UNC5C: variants seen among roughly 807,000 people sequenced by gnomAD.
The protein encoded by UNC5C is unc-5 netrin receptor C.
UNC5C carries 47 observed loss-of-function variants against 99.8 expected under a neutral mutation model. The observed-to-expected ratio is 0.47, with a 90% CI of 0.37 to 0.60. The LOEUF is 0.60. UNC5C is among the 20% of genes least tolerant of loss of function. The probability of loss-of-function intolerance (pLI) is 0.00; values close to 1 mark genes in which losing one functional copy is unlikely to be tolerated. For missense variants in UNC5C, 1,062 were observed against 1,165.9 expected (o/e 0.91, Z 1.30); for synonymous variants, 487 against 452.2 (o/e 1.08, Z -0.98).
At chr4:95,239,609 C>G (rs1739255786) in intron 7 of UNC5C, among the ~76,000 whole-genome samples, 1 of 152,182 alleles carries the variant, frequency 6.6e-6, no homozygotes. Flanking sequence ...GTTGCAGCTT[C>G]ATTTTTGGCA....
At chr4:95,263,521 G>A (rs1353395018) in intron 4 of UNC5C, among the ~76,000 whole-genome samples, 1 of 152,088 alleles carries the variant, frequency 6.6e-6, no homozygotes, top group Admixed American at 6.5e-5. Context: ...GTCAGTGAAT[G>A]GAACTCTCCA....
In UNC5C at chr4:95,224,353, A is replaced by C. The variant is rs182649839; in HGVS notation, c.1109-4177T>G. ...GAAGAGCTGCGTCTTGCAAAAGGAA[A>C]GCCTATCTCCAGCTAGGTATCACGT... On this transcript the variant is annotated intron_variant, in intron 7 of 15. Coordinates refer to ENST00000453304, the MANE Select transcript of UNC5C (RefSeq NM_003728.4). 2.6e-4 allele frequency among the ~76,000 whole-genome samples: 40 copies of C among 152,320 alleles called. No homozygotes were observed. In the East Asian group the frequency reaches 6.4e-3, roughly 24 times the overall value.
At chr4:95,358,149 G>A (rs1054868572) in intron 1 of UNC5C, among the ~76,000 whole-genome samples, 1 of 152,096 alleles carries the variant, frequency 6.6e-6, no homozygotes, top group African/African-American at 2.4e-5. Flanking sequence ...TGTTTACATG[G>A]TACCAAAATT....
intron 1 of UNC5C, among the ~76,000 whole-genome samples, chr4:95,447,362 A>G (rs554346494): frequency 6.6e-6 from 1 of 152,316 alleles, no homozygotes; most frequent in East Asian, 1.9e-4. Flanking sequence ...AAGCTTCAAA[A>G]CTTCACTGAG....
At chr4:95,545,862 A>G (rs1723047246) in intron 1 of UNC5C, among the ~76,000 whole-genome samples, 1 of 152,162 alleles carries the variant, frequency 6.6e-6, no homozygotes, top group Non-Finnish European at 1.5e-5. Context: ...TGGAGCTAGG[A>G]GTTCCCAGCA....
intron 1 of UNC5C, among the ~76,000 whole-genome samples, chr4:95,542,440 C>T (rs1722942820): frequency 6.6e-6 from 1 of 152,142 alleles, no homozygotes; most frequent in African/African-American, 2.4e-5. Flanking sequence ...GCATATTTGG[C>T]ACTTTCAAAG....
In UNC5C at chr4:95,218,966, T is replaced by C. The variant is rs1356408746; in HGVS notation, c.1645+3A>G. Reference sequence around the variant, plus strand: ...CTTTGCAATTTAAACCTCTAGGAATTACCTGAATTGGGAACAATAAGGTGA... The same window carrying C: ...CTTTGCAATTTAAACCTCTAGGAATCACCTGAATTGGGAACAATAAGGTGA... On this transcript the variant is annotated splice_donor_region_variant and intron_variant, in intron 9 of 15. Transcript: ENST00000453304. 11 of 1,587,756 alleles carry C rather than the reference T, an allele frequency of 6.9e-6. No homozygotes were observed. Among genetic ancestry groups the C allele is most frequent in the Non-Finnish European group, 8.6e-6 (10 of 1,165,408 alleles).
At chr4:95,446,196 A>AGGAGAGCATAGCAAGATGTAGCC (rs1270003628) in intron 1 of UNC5C, among the ~76,000 whole-genome samples, 7 of 152,118 alleles carry the variant, frequency 4.6e-5, no homozygotes, top group Admixed American at 1.3e-4. Context: ...AAATAAGAAG[A>AGGAGAGCATAGCAAGATGTAGCC]GGAGAGCATA....
chr4:95,313,294 G>A (rs1742340224), intron 2 of UNC5C, among the ~76,000 whole-genome samples: 2 of 152,138 alleles, frequency 1.3e-5, no homozygotes, highest in Non-Finnish European at 2.9e-5. Context: ...CTTTGGAGCA[G>A]TGAGATTGTG....
chr4:95,329,830 T>A (rs953484147), intron 2 of UNC5C, among the ~76,000 whole-genome samples: 2 of 152,198 alleles, frequency 1.3e-5, no homozygotes, highest in Non-Finnish European at 2.9e-5. Flanking sequence ...GTAAGACTTA[T>A]AGATTGTGTG....
chr4:95,342,518 C>T (rs997318329), intron 1 of UNC5C, among the ~76,000 whole-genome samples: 7 of 151,946 alleles, frequency 4.6e-5, no homozygotes, highest in East Asian at 1.9e-4. Context: ...AATATCCAGG[C>T]GGTACATGCT....
At chr4:95,324,712 G>T (rs2149414820) in intron 2 of UNC5C, among the ~76,000 whole-genome samples, 1 of 152,244 alleles carries the variant, frequency 6.6e-6, no homozygotes, top group Non-Finnish European at 1.5e-5. Flanking sequence ...CATGAAGAAT[G>T]AGTTACTGCT....
Position 95,390,368 on chromosome 4 carries a change from T to A in UNC5C, c.125-54737A>T, listed in dbSNP as rs563298861. On this transcript the variant is annotated intron_variant, in intron 1 of 15. Transcript: ENST00000453304. ...CAACTGAAGAAATCTCTACAGCATT[T>A]TCATTCTTGGCTTCCACATTTCCAA... 2.1e-5 allele frequency among the ~76,000 whole-genome samples: 3 copies of A among 145,966 alleles called. No homozygotes were observed. The East Asian group carries it at 6.3e-4, about 30-fold the overall frequency.
At chr4:95,255,408 T>C (rs1294136722) in intron 4 of UNC5C, among the ~76,000 whole-genome samples, 1 of 152,196 alleles carries the variant, frequency 6.6e-6, no homozygotes, top group African/African-American at 2.4e-5. Context: ...GTTTTCATTG[T>C]TCACTTTCTC....
At chr4:95,402,012 G>A (rs775195280) in intron 1 of UNC5C, among the ~76,000 whole-genome samples, 6 of 152,180 alleles carry the variant, frequency 3.9e-5, no homozygotes, top group Non-Finnish European at 7.3e-5. Flanking sequence ...GCAAAATGCT[G>A]CTTCTCCTGT....
intron 3 of UNC5C, among the ~76,000 whole-genome samples, chr4:95,292,330 T>C (rs4699845): frequency 0.15 from 22,276 of 149,768 alleles, 2,414 homozygotes; most frequent in African/African-American, 0.28. Context: ...AGTGCAGTAG[T>C]GCGATCTCAG....
intron 1 of UNC5C, among the ~76,000 whole-genome samples, chr4:95,506,155 T>C (rs1404451938): frequency 6.6e-6 from 1 of 152,030 alleles, no homozygotes; most frequent in Non-Finnish European, 1.5e-5. Flanking sequence ...TTTATTACTT[T>C]CTCAGGAAAT....
At chr4:95,236,766 C>G (rs1739134560) in intron 7 of UNC5C, among the ~76,000 whole-genome samples, 1 of 152,100 alleles carries the variant, frequency 6.6e-6, no homozygotes, top group South Asian at 2.1e-4. Flanking sequence ...CATGTTAAAA[C>G]CTCATAAATA....
chr4:95,463,519 G>C (rs1330428482), intron 1 of UNC5C, among the ~76,000 whole-genome samples: 1 of 152,106 alleles, frequency 6.6e-6, no homozygotes, highest in Non-Finnish European at 1.5e-5. Flanking sequence ...GATGGCCAGA[G>C]GAGGAAACGT....
Sources: allele counts gnomAD v4.1 joint callset (sites outside exome capture counted in the v4.1 genomes callset), GRCh38; gene constraint gnomAD v4.1.1; transcripts MANE v1.5; gene names NCBI Gene and HGNC (gene_info 2026-07-23, HGNC 2026-07-21).